Variants in P2RY14 observed in about 807,000 individuals in gnomAD.
The protein encoded by P2RY14 is P2Y purinoceptor 14.
P2RY14 carries 2 observed loss-of-function variants against 0.9 expected under a neutral mutation model. The observed-to-expected ratio is 2.16, with a 90% CI of 0.88 to 6.79. P2RY14 has a LOEUF of 6.79. P2RY14 is among the 30% of genes most tolerant of loss of function. The pLI is 0.05. For synonymous variants in P2RY14, 158 were observed against 147.2 expected (o/e 1.07, Z -0.53); for missense variants, 378 against 400.1 (o/e 0.94, Z 0.47).
intron 1 of P2RY14, among the ~76,000 whole-genome samples, chr3:151,271,167 T>C (rs541054811): frequency 5.9e-5 from 9 of 152,256 alleles, no homozygotes; most frequent in African/African-American, 2.2e-4. Context: ...CATTACTCTA[T>C]AATAAAAAGA....
chr3:151,241,580 A>C (rs1734086148), intron 1 of P2RY14, among the ~76,000 whole-genome samples: 2 of 152,218 alleles, frequency 1.3e-5, no homozygotes, highest in Non-Finnish European at 2.9e-5. Flanking sequence ...ACTGGAATAC[A>C]TATGCACACA....
chr3:151,247,365 A>G (rs959554196), intron 1 of P2RY14, among the ~76,000 whole-genome samples: 2 of 152,246 alleles, frequency 1.3e-5, no homozygotes, highest in Admixed American at 6.5e-5. Context: ...AACCAAGCCA[A>G]ATGTCCAACA....
intron 1 of P2RY14, among the ~76,000 whole-genome samples, chr3:151,220,312 GGTGGTT>G (rs1729089680): frequency 6.6e-6 from 1 of 152,002 alleles, no homozygotes; most frequent in Non-Finnish European, 1.5e-5. Flanking sequence ...TTAGCAAAAT[GGTGGTT>G]GGATTTGGTT....
intron 1 of P2RY14, among the ~76,000 whole-genome samples, chr3:151,230,449 C>A (rs1731426367): frequency 6.6e-6 from 1 of 152,122 alleles, no homozygotes; most frequent in South Asian, 2.1e-4. Context: ...AGGTATAATA[C>A]CTGTATGTAA....
At chr3:151,246,055 A>C (rs1421330864) in intron 1 of P2RY14, among the ~76,000 whole-genome samples, 1 of 151,512 alleles carries the variant, frequency 6.6e-6, no homozygotes, top group Non-Finnish European at 1.5e-5. Flanking sequence ...TAGGAATCCA[A>C]CTTACAAGGG....
chr3:151,216,645 C>A lies in P2RY14; in HGVS notation c.-24-2305G>T, dbSNP rs192972577. Among the ~76,000 whole-genome samples, 231 of 152,294 alleles carry A rather than the reference C, an allele frequency of 1.5e-3. 1 individual carries two copies. Among genetic ancestry groups the A allele is most frequent in the African/African-American group, 5.4e-3 (224 of 41,574 alleles). On this transcript the variant is annotated intron_variant, in intron 2 of 2. Coordinates refer to ENST00000309170, the MANE Select transcript of P2RY14 (RefSeq NM_014879.4). The stretch of plus-strand genomic sequence containing the variant: ...CCCCAAATCACTTCCTCCACAAAAC[C>A]TTTCACTAGCACTATTCTTCCTCTT...
chr3:151,258,833 CAG>C (rs1195237317), intron 1 of P2RY14, among the ~76,000 whole-genome samples: 1 of 122,824 alleles, frequency 8.1e-6, no homozygotes, highest in Non-Finnish European at 1.6e-5. Context: ...GCCTGGGCGA[CAG>C]AGCAAGATTC....
At chr3:151,247,896 G>A (rs987647646) in intron 1 of P2RY14, among the ~76,000 whole-genome samples, 5 of 145,950 alleles carry the variant, frequency 3.4e-5, no homozygotes, top group African/African-American at 1.0e-4. Context: ...TTCTTATAAT[G>A]TATTCAGAAG....
At chr3:151,235,712 T>C (rs1732608398) in intron 1 of P2RY14, among the ~76,000 whole-genome samples, 1 of 151,610 alleles carries the variant, frequency 6.6e-6, no homozygotes, top group Non-Finnish European at 1.5e-5. Context: ...AATAAATAAA[T>C]AAATAAATAA....
At chr3:151,262,632 T>A (rs1475817798) in intron 1 of P2RY14, among the ~76,000 whole-genome samples, 1 of 152,190 alleles carries the variant, frequency 6.6e-6, no homozygotes, top group African/African-American at 2.4e-5. Context: ...GTAAATACAT[T>A]AGAAAATACA....
intron 1 of P2RY14, among the ~76,000 whole-genome samples, chr3:151,240,708 T>C (rs963984906): frequency 6.6e-6 from 1 of 152,256 alleles, no homozygotes; most frequent in African/African-American, 2.4e-5. Flanking sequence ...TTATTGCTGC[T>C]GTTATGTAAA....
At chr3:151,256,735 T>A (rs570725067) in intron 1 of P2RY14, among the ~76,000 whole-genome samples, 2 of 151,188 alleles carry the variant, frequency 1.3e-5, no homozygotes, top group Admixed American at 6.6e-5. Flanking sequence ...TTTTCTTAGG[T>A]AAGGAGAACA....
At chr3:151,255,328 A>C (rs1458110598) in intron 1 of P2RY14, among the ~76,000 whole-genome samples, 1 of 152,092 alleles carries the variant, frequency 6.6e-6, no homozygotes, top group Non-Finnish European at 1.5e-5. Flanking sequence ...TGTGACTTAA[A>C]TATCTACCTT....
At chr3:151,227,412 A>G (rs546112404) in intron 1 of P2RY14, among the ~76,000 whole-genome samples, 1 of 151,816 alleles carries the variant, frequency 6.6e-6, no homozygotes, top group African/African-American at 2.4e-5. Context: ...ATGTGTGAGA[A>G]TGGTAAGGGG....
chr3:151,214,053 C>T lies in P2RY14; in HGVS notation c.264G>A (p.Gln88=). 1 of 1,614,168 alleles carries T rather than the reference C, an allele frequency of 6.2e-7. No individual in the cohort carries two copies. Reference sequence around the variant, plus strand: ...AGACCCTGCACACAAACACGTTCAGCTGCCAGGGACCAAGGCCTGAGTCAC... The same window carrying T: ...AGACCCTGCACACAAACACGTTCAGTTGCCAGGGACCAAGGCCTGAGTCAC... ...ILGDSGLGPW[Q]LNVFVCRVSA... Residue 88 remains glutamine (Q), a synonymous_variant, in exon 3 of 3, where the codon CAG becomes CAA. Coordinates refer to ENST00000309170, the MANE Select transcript of P2RY14 (RefSeq NM_014879.4).
intron 1 of P2RY14, among the ~76,000 whole-genome samples, chr3:151,233,275 T>C (rs1732068548): frequency 6.6e-6 from 1 of 152,240 alleles, no homozygotes; most frequent in South Asian, 2.1e-4. Context: ...TTGTCATCTC[T>C]TATTCTCATC....
At chr3:151,272,167 G>A (rs1741072974) in intron 1 of P2RY14, among the ~76,000 whole-genome samples, 1 of 152,196 alleles carries the variant, frequency 6.6e-6, no homozygotes, top group African/African-American at 2.4e-5. Flanking sequence ...GAAAAGGCAG[G>A]ATAAACAGAA....
intron 1 of P2RY14, among the ~76,000 whole-genome samples, chr3:151,245,577 T>C (rs1485276135): frequency 6.6e-5 from 10 of 150,788 alleles, no homozygotes; most frequent in Admixed American, 2.0e-4. Context: ...CAACCCTTCA[T>C]GCTGAAAACT....
chr3:151,266,608 C>G (rs1739880220), intron 1 of P2RY14, among the ~76,000 whole-genome samples: 1 of 152,124 alleles, frequency 6.6e-6, no homozygotes, highest in Admixed American at 6.5e-5. Flanking sequence ...ACATTCTTTC[C>G]TATTCTAGTA....
Sources: gnomAD v4.1 joint callset for allele counts (sites outside exome capture counted in the v4.1 genomes callset) on GRCh38, gnomAD v4.1.1 for gene constraint, MANE v1.5 for transcripts, NCBI Gene and HGNC (gene_info 2026-07-23, HGNC 2026-07-21) for gene names.